The following ABCA4 variants were observed in gnomAD, a reference collection of about 807,000 sequenced individuals.
ABCA4 encodes retinal-specific phospholipid-transporting ATPase ABCA4.
ABCA4 carries 196 observed loss-of-function variants against 263.7 expected under a neutral mutation model. The ratio of observed to expected loss-of-function variants is 0.74; its 90% CI spans 0.66 to 0.84. The LOEUF (loss-of-function observed/expected upper bound fraction) is 0.84, where lower values mean the gene tolerates loss of function less well. Ranked by LOEUF, ABCA4 falls within the 40% of genes least tolerant of loss-of-function variation. ABCA4 has a pLI of 0.00. For missense variants in ABCA4, 2,792 were observed against 2,855.1 expected, an observed-to-expected ratio of 0.98 and a Z score of 0.50; for synonymous variants, 1,133 against 1,094.2, an observed-to-expected ratio of 1.04 and a Z score of -0.70.
In ABCA4 at chr1:94,021,383, A is replaced by G. The variant is rs61752440; in HGVS notation, c.4875T>C (p.His1625=). 7.4e-6 allele frequency: 12 copies of G among 1,614,144 alleles called. No individual in the cohort carries two copies. The highest frequency in any genetic ancestry group is 1.0e-5 in the Non-Finnish European group (12 of 1,180,056). ...CCACATTGAGAAAGCTGACCAGGGC[A>G]TGCCAGCCTTTGTTATTAAACCACA... ...IKVWFNNKGW[H]ALVSFLNVAH... is the part of the protein sequence containing the mutation. The change falls in exon 35 of 50, where the codon CAT becomes CAC. Residue 1625 remains histidine, a synonymous_variant. Transcript: ENST00000370225.
chr1:94,066,739 C>T (rs1661278601), intron 11 of ABCA4, among the ~76,000 whole-genome samples: 1 of 152,214 alleles, frequency 6.6e-6, no homozygotes, highest in Non-Finnish European at 1.5e-5. Context: ...GGATAAGCCA[C>T]ACTCTAGCCA....
At chr1:94,003,560 T>C (rs747673597) in intron 44 of ABCA4, among the ~76,000 whole-genome samples, 16 of 152,184 alleles carry the variant, frequency 1.1e-4, no homozygotes, top group Non-Finnish European at 2.2e-4. Context: ...AATTTCTCCA[T>C]TGTAAAATTA....
At chr1:94,032,444 T>C (rs914455184) in intron 26 of ABCA4, among the ~76,000 whole-genome samples, 5 of 152,120 alleles carry the variant, frequency 3.3e-5, no homozygotes, top group African/African-American at 1.2e-4. Context: ...TGAGACCAGC[T>C]TGACCTACAT....
intron 1 of ABCA4, among the ~76,000 whole-genome samples, chr1:94,120,513 A>G (rs1410047857): frequency 6.6e-6 from 1 of 152,220 alleles, no homozygotes; most frequent in African/African-American, 2.4e-5. Flanking sequence ...CAGAAATGCT[A>G]ACATGTGAAA....
chr1:94,051,030 C>T (rs1660827207), intron 17 of ABCA4, among the ~76,000 whole-genome samples: 1 of 152,176 alleles, frequency 6.6e-6, no homozygotes, highest in South Asian at 2.1e-4. Flanking sequence ...AGCTAGGCCT[C>T]CTGTTTGGTT....
At chr1:94,033,942 C>T (rs956205078) in intron 26 of ABCA4, among the ~76,000 whole-genome samples, 6 of 152,130 alleles carry the variant, frequency 3.9e-5, no homozygotes, top group African/African-American at 1.4e-4. Flanking sequence ...CATCTCAAAC[C>T]TCTGAGCTTT....
chr1:94,008,941 C>A (rs1659475024), intron 40 of ABCA4, 70 bp from the exon 41 acceptor site: 7 of 1,589,900 alleles, frequency 4.4e-6, no homozygotes, highest in Admixed American at 1.7e-5. Flanking sequence ...TTCCATGGGA[C>A]CTCTCTTCCA....
In ABCA4 at chr1:94,031,804, G is replaced by A. The variant is rs1183074086; in HGVS notation, c.4102C>T (p.Arg1368Cys). The change falls in exon 27 of 50, where the codon CGC (arginine) becomes TGC (cysteine). Residue 1368 changes from arginine (R) to cysteine (C), a missense_variant. Physicochemically the swap from Arg to Cys is radical, Grantham distance 180 (BLOSUM62 -3). Coordinates refer to ENST00000370225, the MANE Select transcript of ABCA4 (RefSeq NM_000350.3). ...LLVKRFQHTI[R>C]SHKDFLAQIV... ...TGCGCCAGGAAGTCCTTGTGGCTGC[G>A]GATGGTGTGTTGGAATCTCTTGACC... 6 of 1,613,938 alleles carry A rather than the reference G, an allele frequency of 3.7e-6. No homozygotes were observed. The highest frequency in any genetic ancestry group is 1.3e-5 in the African/African-American group (1 of 75,056).
chr1:94,105,601 G>A (rs906811763), intron 4 of ABCA4, among the ~76,000 whole-genome samples: 1 of 141,098 alleles, frequency 7.1e-6, no homozygotes, highest in Admixed American at 7.0e-5. Context: ...CCTTCCCTGG[G>A]AAGATTAGAG....
intron 38 of ABCA4, among the ~76,000 whole-genome samples, chr1:94,012,235 C>T (rs1659568258): frequency 6.6e-6 from 1 of 152,224 alleles, no homozygotes; most frequent in Non-Finnish European, 1.5e-5. Context: ...TTTCTCCCCA[C>T]TCTTTCTGGA....
intron 49 of ABCA4, among the ~76,000 whole-genome samples, chr1:93,995,355 A>G (rs1190168494): frequency 1.3e-5 from 2 of 152,148 alleles, no homozygotes; most frequent in Non-Finnish European, 2.9e-5. Context: ...GATTTGATTT[A>G]CTCTCCAGGT....
intron 6 of ABCA4, among the ~76,000 whole-genome samples, chr1:94,091,579 T>TCACACACACA (rs35529737): frequency 7.0e-6 from 1 of 143,756 alleles, no homozygotes; most frequent in African/African-American, 2.7e-5. Context: ...AAACATCATC[T>TCACACACACA]CACACACACA....
intron 4 of ABCA4, among the ~76,000 whole-genome samples, chr1:94,103,842 G>A (rs1445048524): frequency 4.6e-5 from 7 of 152,268 alleles, no homozygotes; most frequent in East Asian, 3.9e-4. Flanking sequence ...GGCACATGCC[G>A]GGGCTTGCCT....
In ABCA4 at chr1:94,030,484, G is replaced by A. The variant is rs368147821; in HGVS notation, c.4296C>T (p.Asp1432=). 6.5e-5 allele frequency: 105 copies of A among 1,614,242 alleles called. No individual in the cohort carries two copies. The African/African-American group carries it at 7.9e-4, about 12-fold the overall frequency. The stretch of plus-strand genomic sequence containing the variant: ...CAAAGCCTGGCTTATTCAGGAGGAC[G>A]TCTGCAAGTACCGTGAACTGCTCAC... ...PGSEQFTVLA[D]VLLNKPGFGN... The change falls in exon 29 of 50, where the codon GAC becomes GAT. Residue 1432 remains aspartate (D), a synonymous_variant. Coordinates refer to ENST00000370225, the MANE Select transcript of ABCA4 (RefSeq NM_000350.3).
At chr1:94,062,978 A>G in intron 12 of ABCA4, 134 bp downstream of exon 12, 1 of 1,100,642 alleles carries the variant, frequency 9.1e-7, no homozygotes, top group Non-Finnish European at 1.4e-6. Context: ...GTTGAGCTTT[A>G]TAAAATATCT....
intron 44 of ABCA4, among the ~76,000 whole-genome samples, chr1:94,004,497 C>T (rs1659315902): frequency 6.6e-6 from 1 of 152,240 alleles, no homozygotes; most frequent in African/African-American, 2.4e-5. Flanking sequence ...CCCCGCTCCA[C>T]CCTGCCCAAG....
intron 6 of ABCA4, among the ~76,000 whole-genome samples, chr1:94,092,290 A>G (rs1661988617): frequency 1.3e-5 from 2 of 152,298 alleles, no homozygotes; most frequent in Admixed American, 6.5e-5. Context: ...AAAGCAGTTG[A>G]AGCAGTGGAC....
At chr1:94,037,093 A>AG (rs1660359277) in intron 25 of ABCA4, 52 bp downstream of exon 25, 1 of 1,586,026 alleles carries the variant, frequency 6.3e-7, no homozygotes, top group African/African-American at 1.3e-5. Context: ...ACTTTTTCAA[A>AG]GAACCGCCAC....
At chr1:94,074,021 T>C (rs1049940019) in intron 11 of ABCA4, among the ~76,000 whole-genome samples, 1 of 152,106 alleles carries the variant, frequency 6.6e-6, no homozygotes, top group Non-Finnish European at 1.5e-5. Context: ...GAGGGAGATG[T>C]TAATTGAGTA....
Sources: allele counts gnomAD v4.1 joint callset (sites outside exome capture counted in the v4.1 genomes callset), GRCh38; gene constraint gnomAD v4.1.1; transcripts MANE v1.5; gene names NCBI Gene and HGNC (gene_info 2026-07-23, HGNC 2026-07-21).